Variants in MUCL1 observed in about 807,000 individuals in gnomAD.
The protein encoded by MUCL1 is mucin like 1, also known as mucin-like protein 1.
Under a neutral mutation model 9.2 loss-of-function variants are expected in MUCL1, and 11 were observed. The ratio of observed to expected loss-of-function variants is 1.19; its 90% CI spans 0.75 to 1.97. The LOEUF (loss-of-function observed/expected upper bound fraction) is 1.97, where lower values mean the gene tolerates loss of function less well. MUCL1 is among the 30% of genes most tolerant of loss of function. The pLI is 0.00. For synonymous variants in MUCL1, 48 were observed against 40.5 expected (o/e 1.19, Z -0.71); for missense variants, 144 against 110.9 (o/e 1.30, Z -1.34).
rs1959284615 is a variant in MUCL1, at chr12:54,848,241, T to C, written c.44-6875T>C. Among the ~76,000 whole-genome samples, 3 of 152,176 alleles carry C rather than the reference T, an allele frequency of 2.0e-5. 1 individual carries two copies. Among genetic ancestry groups the C allele is most frequent in the Admixed American group, 1.3e-4 (2 of 15,272 alleles). On this transcript the variant is annotated intron_variant, in intron 1 of 3. Transcript: ENST00000546809. ...TGCTCCCTGAAGACCTCTCTTCAGGTTGGGGCTTCTGTGCTGCTTTCTCTA... is the reference window on the plus strand; with the variant it reads ...TGCTCCCTGAAGACCTCTCTTCAGGCTGGGGCTTCTGTGCTGCTTTCTCTA...
At chr12:54,833,683 A>G (rs1959188472) in intron 1 of MUCL1, among the ~76,000 whole-genome samples, 1 of 152,128 alleles carries the variant, frequency 6.6e-6, no homozygotes, top group Non-Finnish European at 1.5e-5. Context: ...GACATGGATG[A>G]AGCTGGAAAC....
intron 1 of MUCL1, among the ~76,000 whole-genome samples, chr12:54,833,818 T>G (rs1959188702): frequency 1.5e-5 from 2 of 132,688 alleles, no homozygotes; most frequent in Non-Finnish European, 1.6e-5. Flanking sequence ...CTGGGGACTG[T>G]TGTGGGGTTG....
At chr12:54,834,712 C>A (rs1351363915), upstream of MUCL1, among the ~76,000 whole-genome samples, 2 of 151,922 alleles carry the variant, frequency 1.3e-5, no homozygotes, top group African/African-American at 4.8e-5. Context: ...ATTCATCCTA[C>A]ATGATTGAAA....
chr12:54,848,236 TC>T (rs1207174302), intron 1 of MUCL1, among the ~76,000 whole-genome samples: 2 of 152,092 alleles, frequency 1.3e-5, no homozygotes, highest in Non-Finnish European at 2.9e-5. Context: ...AGACCTCTCT[TC>T]AGGTTGGGGC....
At chr12:54,837,754 G>A (rs11171120), upstream of MUCL1, among the ~76,000 whole-genome samples, 53,918 of 151,606 alleles carry the variant, frequency 0.36, 11,418 homozygotes, top group East Asian at 0.83. Context: ...GGGTGACAGA[G>A]TGAGACTCCG....
intron 1 of MUCL1, among the ~76,000 whole-genome samples, chr12:54,840,241 G>A (rs1311114011): frequency 1.1e-4 from 16 of 152,186 alleles, no homozygotes; most frequent in Admixed American, 1.0e-3. Flanking sequence ...TGTAGAGTCT[G>A]TGAAATTCCT....
upstream of MUCL1, among the ~76,000 whole-genome samples, chr12:54,849,871 T>C (rs1959310955): frequency 6.6e-6 from 1 of 152,158 alleles, no homozygotes. Context: ...ATCCAATAAC[T>C]TCAGAAAAAT....
chr12:54,850,141 G>T (rs1300323493), upstream of MUCL1, among the ~76,000 whole-genome samples: 1 of 152,026 alleles, frequency 6.6e-6, no homozygotes, highest in East Asian at 1.9e-4. Flanking sequence ...GGGTTTCATA[G>T]AACTTCCTTA....
At chr12:54,837,633 G>T (rs1316045906), upstream of MUCL1, among the ~76,000 whole-genome samples, 1 of 152,142 alleles carries the variant, frequency 6.6e-6, no homozygotes. Flanking sequence ...GCCGGGCGTG[G>T]TGGTGGGTGC....
chr12:54,849,076 A>G (rs1395118463), intron 1 of MUCL1, among the ~76,000 whole-genome samples: 1 of 152,184 alleles, frequency 6.6e-6, no homozygotes, highest in Non-Finnish European at 1.5e-5. Flanking sequence ...ACAGATATAT[A>G]GGGACTGAGT....
upstream of MUCL1, among the ~76,000 whole-genome samples, chr12:54,849,576 T>TA (rs1456241900): frequency 6.6e-6 from 1 of 152,074 alleles, no homozygotes. Context: ...TGTATACATA[T>TA]ATAGAGAGAT....
chr12:54,856,361 A>C (rs1868299737), intron 2 of MUCL1, among the ~76,000 whole-genome samples: 1 of 152,144 alleles, frequency 6.6e-6, no homozygotes, highest in Admixed American at 6.6e-5. Flanking sequence ...ACTCATCCTC[A>C]TTCATGCTAC....
intron 2 of MUCL1, 106 bp from the exon 3 acceptor site, chr12:54,856,664 T>G: frequency 7.0e-7 from 1 of 1,431,882 alleles, no homozygotes; most frequent in Non-Finnish European, 9.5e-7. Flanking sequence ...GATGACAGAT[T>G]TGCAGAGATG....
chr12:54,836,990 A>T (rs1380183429), upstream of MUCL1, among the ~76,000 whole-genome samples: 9 of 152,284 alleles, frequency 5.9e-5, no homozygotes, highest in Admixed American at 5.2e-4. Context: ...GACTTGTTTT[A>T]TCTCTTATTA....
At chr12:54,840,405 G>A (rs1374021318) in intron 1 of MUCL1, among the ~76,000 whole-genome samples, 1 of 152,182 alleles carries the variant, frequency 6.6e-6, no homozygotes. Context: ...CTTCCAGAAT[G>A]CTGTATTATT....
At chr12:54,838,945 TG>T (rs367654565), upstream of MUCL1, among the ~76,000 whole-genome samples, 35 of 152,114 alleles carry the variant, frequency 2.3e-4, no homozygotes, top group African/African-American at 8.2e-4. Context: ...CATATTGGTT[TG>T]GATTCATTGC....
intron 2 of MUCL1, 148 bp from the exon 3 acceptor site, chr12:54,856,622 G>C (rs1192677808): frequency 9.3e-7 from 1 of 1,079,066 alleles, no homozygotes; most frequent in East Asian, 2.6e-5. Flanking sequence ...CACAAGGAAA[G>C]TAGGCAGGTA....
At chr12:54,840,771 C>G (rs1959206792) in intron 1 of MUCL1, among the ~76,000 whole-genome samples, 1 of 152,168 alleles carries the variant, frequency 6.6e-6, no homozygotes, top group South Asian at 2.1e-4. Flanking sequence ...CTGCCTCTGC[C>G]ACACAAAAGA....
At chr12:54,841,916 T>C (rs1959214142) in intron 1 of MUCL1, among the ~76,000 whole-genome samples, 1 of 152,202 alleles carries the variant, frequency 6.6e-6, no homozygotes, top group African/African-American at 2.4e-5. Flanking sequence ...TCTTATGTTT[T>C]CTTCTTGGAG....
Sources: allele counts gnomAD v4.1 joint callset (sites outside exome capture counted in the v4.1 genomes callset), GRCh38; gene constraint gnomAD v4.1.1; transcripts MANE v1.5; gene names NCBI Gene and HGNC (gene_info 2026-07-23, HGNC 2026-07-21).